FRMD6: variants seen among roughly 807,000 people sequenced by gnomAD.
FRMD6 encodes FERM domain containing 6, also known as FERM domain-containing protein 6.
FRMD6 carries 37 observed loss-of-function variants against 73.2 expected under a neutral mutation model. That is an observed-to-expected ratio of 0.51 (90% CI 0.39 to 0.66). FRMD6 has a LOEUF of 0.66. Among genes scored for constraint, FRMD6 ranks in the 30% least tolerant of loss-of-function variants. The probability of loss-of-function intolerance (pLI) is 0.00; values close to 1 mark genes in which losing one functional copy is unlikely to be tolerated. For synonymous variants in FRMD6, 273 were observed against 282.2 expected (o/e 0.97, Z 0.33); for missense variants, 714 against 780.5 (o/e 0.91, Z 1.02).
intron 1 of FRMD6, among the ~76,000 whole-genome samples, chr14:51,518,015 T>C (rs767790658): frequency 6.6e-6 from 1 of 152,120 alleles, no homozygotes; most frequent in Non-Finnish European, 1.5e-5. Context: ...ATACAAACAA[T>C]TAAGGAAATT....
At chr14:51,505,868 A>G (rs1428505104) in intron 1 of FRMD6, among the ~76,000 whole-genome samples, 1 of 152,056 alleles carries the variant, frequency 6.6e-6, no homozygotes, top group African/African-American at 2.4e-5. Context: ...TTCTTCACAC[A>G]GCCAATTGCA....
intron 1 of FRMD6, among the ~76,000 whole-genome samples, chr14:51,521,160 T>C (rs1278451228): frequency 6.6e-6 from 1 of 152,212 alleles, no homozygotes; most frequent in East Asian, 1.9e-4. Flanking sequence ...ACGAAAATGT[T>C]CTGTATCTTG....
intron 2 of FRMD6, among the ~76,000 whole-genome samples, chr14:51,575,369 G>C (rs1253784728): frequency 6.6e-6 from 1 of 152,188 alleles, no homozygotes; most frequent in Non-Finnish European, 1.5e-5. Context: ...AGAGAGCCTT[G>C]TCTGTGCTCC....
chr14:51,596,981 A>G (rs1889753459), intron 2 of FRMD6, among the ~76,000 whole-genome samples: 1 of 152,226 alleles, frequency 6.6e-6, no homozygotes, highest in Non-Finnish European at 1.5e-5. Flanking sequence ...GCATTTAACT[A>G]ACACATGTAA....
At chr14:51,701,587 T>C (rs1444902662) in intron 4 of FRMD6, among the ~76,000 whole-genome samples, 1 of 147,244 alleles carries the variant, frequency 6.8e-6, no homozygotes, top group Non-Finnish European at 1.5e-5. Context: ...ATATAAAGTA[T>C]ATATAGTATA....
At chr14:51,701,374 GTA>G (rs1238378039) in intron 4 of FRMD6, among the ~76,000 whole-genome samples, 2 of 142,130 alleles carry the variant, frequency 1.4e-5, no homozygotes, top group African/African-American at 2.6e-5. Flanking sequence ...TATATGCTGA[GTA>G]TATATATAGT....
chr14:51,708,945 G>A (rs980712920), intron 7 of FRMD6, among the ~76,000 whole-genome samples: 7 of 151,984 alleles, frequency 4.6e-5, no homozygotes, highest in Admixed American at 3.3e-4. Flanking sequence ...CTCTAGCCTC[G>A]TTTTTCCTTT....
the FRMD6 span, among the ~76,000 whole-genome samples, chr14:51,465,749 A>T: frequency 6.6e-6 from 1 of 151,476 alleles, no homozygotes; most frequent in Non-Finnish European, 1.5e-5. Flanking sequence ...TATAAAATAA[A>T]GTTGCAATGA....
At chr14:51,656,134 A>T (rs1356690213) in intron 1 of FRMD6, among the ~76,000 whole-genome samples, 1 of 152,232 alleles carries the variant, frequency 6.6e-6, no homozygotes, top group East Asian at 1.9e-4. Context: ...CGATTTAGTG[A>T]TGTAATTACT....
chr14:51,709,696 T>C (rs1017477950), intron 7 of FRMD6, among the ~76,000 whole-genome samples: 2 of 152,110 alleles, frequency 1.3e-5, no homozygotes, highest in African/African-American at 4.8e-5. Context: ...CCTGAAGAGA[T>C]TTTATTTGTG....
chr14:51,585,939 G>GTGTGTGTGTGTGTGTGTGTATATATATA, intron 2 of FRMD6, among the ~76,000 whole-genome samples: 1 of 31,398 alleles, frequency 3.2e-5, no homozygotes, highest in Non-Finnish European at 9.6e-5. Context: ...GTGTGTGTGT[G>GTGTGTGTGTGTGTGTGTGTATATATATA]TATATATATA....
At position 51,715,192 on chromosome 14, in the gene FRMD6, C is replaced by T. The variant is rs149049570; in HGVS notation, c.850-133C>T. ...TTTGAAAGGAAAAACAATAATTTAT[C>T]CCACAAGGAATTTTAAATGAAACTT... On this transcript the variant is annotated intron_variant, in intron 9 of 13. Coordinates refer to ENST00000344768, the MANE Select transcript of FRMD6 (RefSeq NM_001267046.2). 449 of 669,758 alleles carry T rather than the reference C, an allele frequency of 6.7e-4. 4 individuals are homozygous for T. In the East Asian group the frequency reaches 0.013, roughly 19 times the overall value. 41.5% of individuals were successfully genotyped at this position (669,758 alleles called of 1,614,324 possible). A position where few individuals can be genotyped will look rare whatever the true frequency, so the allele number is the denominator to read the frequency against.
chr14:51,409,892 C>A, the FRMD6 span, among the ~76,000 whole-genome samples: 1 of 152,132 alleles, frequency 6.6e-6, no homozygotes, highest in Non-Finnish European at 1.5e-5. Flanking sequence ...CCCGGCCCAA[C>A]GCAGTATGTT....
At chr14:51,599,398 A>G (rs1276733261) in intron 2 of FRMD6, among the ~76,000 whole-genome samples, 1 of 152,124 alleles carries the variant, frequency 6.6e-6, no homozygotes, top group African/African-American at 2.4e-5. Context: ...TCCAGAAGAA[A>G]ACTTAGGAGA....
chr14:51,486,947 T>G (rs1031625912), upstream of FRMD6, among the ~76,000 whole-genome samples: 2 of 152,220 alleles, frequency 1.3e-5, no homozygotes, highest in African/African-American at 2.4e-5. Context: ...TTTTTTTTTT[T>G]TTGTTTTTGA....
chr14:51,406,721 C>T, the FRMD6 span, among the ~76,000 whole-genome samples: 4 of 152,062 alleles, frequency 2.6e-5, no homozygotes, highest in Admixed American at 2.0e-4. Context: ...CAAGATTATC[C>T]TCACTACTTC....
the FRMD6 span, chr14:51,454,379 A>G: frequency 6.6e-6 from 1 of 152,192 alleles, no homozygotes; most frequent in Non-Finnish European, 1.5e-5. Flanking sequence ...CACAGTTAAC[A>G]TTTTGGTGCA....
the FRMD6 span, among the ~76,000 whole-genome samples, chr14:51,451,347 G>A: frequency 6.6e-6 from 1 of 152,176 alleles, no homozygotes; most frequent in Non-Finnish European, 1.5e-5. Context: ...TGCCATCCCA[G>A]CAGCAATGAC....
At chr14:51,459,624 G>A in the FRMD6 span, among the ~76,000 whole-genome samples, 2 of 151,950 alleles carry the variant, frequency 1.3e-5, no homozygotes, top group Admixed American at 6.6e-5. Flanking sequence ...TCAGGAGATT[G>A]AGACCATCCT....
Sources: allele counts gnomAD v4.1 joint callset (sites outside exome capture counted in the v4.1 genomes callset), GRCh38; gene constraint gnomAD v4.1.1; transcripts MANE v1.5; gene names NCBI Gene and HGNC (gene_info 2026-07-23, HGNC 2026-07-21).